Variants in SLIT1 observed in about 807,000 individuals in gnomAD.
SLIT1 encodes the protein slit homolog 1 protein.
SLIT1 carries 66 observed loss-of-function variants against 186.1 expected under a neutral mutation model. The observed-to-expected ratio is 0.35, with a 90% CI of 0.29 to 0.44. The LOEUF (loss-of-function observed/expected upper bound fraction) is 0.44, where lower values mean the gene tolerates loss of function less well. Among genes scored for constraint, SLIT1 ranks in the 20% least tolerant of loss-of-function variants. SLIT1 has a pLI of 1.00. For missense variants in SLIT1, 1,638 were observed against 2,037.4 expected, an observed-to-expected ratio of 0.80 and a Z score of 3.77; for synonymous variants, 761 against 833.8, an observed-to-expected ratio of 0.91 and a Z score of 1.50.
chr10:97,046,943 C>T, intron 17 of SLIT1, 48 bp downstream of exon 17: 1 of 1,563,656 alleles, frequency 6.4e-7, no homozygotes, highest in Non-Finnish European at 8.8e-7. Flanking sequence ...CCTTGTCCAT[C>T]CCTGGCCAGC....
Position 97,170,600 on chromosome 10 carries a change from C to G in SLIT1, c.198-5710G>C, listed in dbSNP as rs147133828. 2.3e-3 allele frequency among the ~76,000 whole-genome samples: 357 copies of G among 152,322 alleles called. 2 individuals are homozygous for G. Among genetic ancestry groups the G allele is most frequent in the African/African-American group, 8.3e-3 (346 of 41,568 alleles). The stretch of plus-strand genomic sequence containing the variant: ...GGAAGACGCCCTAAGCGCGTTCTCC[C>G]TCTTCCAAAAGTCATGAGTTTACAC... On this transcript the variant is annotated intron_variant, in intron 1 of 36. Transcript: ENST00000266058.
intron 4 of SLIT1, among the ~76,000 whole-genome samples, chr10:97,111,839 T>G (rs1394676917): frequency 3.9e-5 from 6 of 152,130 alleles, no homozygotes; most frequent in African/African-American, 1.2e-4. Flanking sequence ...GTCTTCAATT[T>G]AACACACCGT....
intron 4 of SLIT1, among the ~76,000 whole-genome samples, chr10:97,077,256 GAC>G (rs1348573201): frequency 1.8e-4 from 27 of 152,002 alleles, no homozygotes; most frequent in Non-Finnish European, 1.9e-4. Flanking sequence ...GACAGAGTGA[GAC>G]TCCATCTCTT....
At chr10:97,084,602 T>C (rs114059172) in intron 4 of SLIT1, among the ~76,000 whole-genome samples, 3 of 10,308 alleles carry the variant, frequency 2.9e-4, no homozygotes, top group Non-Finnish European at 8.6e-4. Context: ...TTCTTCTCTT[T>C]TCTTTTCTTT....
rs371679673 is a variant in SLIT1, at chr10:97,185,543, C to T, written c.132G>A (p.Thr44=). 6 of 1,611,822 alleles carry T rather than the reference C, an allele frequency of 3.7e-6. No individual in the cohort carries two copies. Among genetic ancestry groups the T allele is most frequent in the Non-Finnish European group, 5.1e-6 (6 of 1,179,552 alleles). Residue 44 remains threonine, a synonymous_variant, in exon 1 of 37, where the codon ACG becomes ACA. Coordinates refer to ENST00000266058, the MANE Select transcript of SLIT1 (RefSeq NM_003061.3). ...GCAGCCCCGTGCCGTGGCAGTCCAC[C>T]GTGGTTCCGGTGCAGGTGCAGAGGG... is the stretch of plus-strand genomic sequence containing the variant. ...CPALCTCTGT[T]VDCHGTGLQA... is the part of the protein sequence containing the mutation.
chr10:97,157,785 G>A, intron 4 of SLIT1, 33 bp downstream of exon 4: 1 of 1,563,106 alleles, frequency 6.4e-7, no homozygotes, highest in South Asian at 1.1e-5. Context: ...CAAAACCACA[G>A]GGAGAACTCT....
chr10:97,061,458 C>T (rs1276707422), intron 8 of SLIT1, among the ~76,000 whole-genome samples: 2 of 152,158 alleles, frequency 1.3e-5, no homozygotes, highest in Non-Finnish European at 2.9e-5. Context: ...AAGAAGATTC[C>T]CTCCTGCCCC....
chr10:97,025,633 A>G (rs907618936), intron 25 of SLIT1, among the ~76,000 whole-genome samples: 6 of 152,202 alleles, frequency 3.9e-5, no homozygotes, highest in African/African-American at 1.4e-4. Flanking sequence ...TTGGGGAGGC[A>G]GACACCGCAG....
chr10:97,109,406 T>A (rs570675484), intron 4 of SLIT1, among the ~76,000 whole-genome samples: 35 of 152,200 alleles, frequency 2.3e-4, no homozygotes, highest in Non-Finnish European at 3.8e-4. Context: ...CCAGAGGTGC[T>A]TAAAGGAAGA....
In SLIT1 at chr10:97,040,020, C is replaced by T; in HGVS notation, c.2265G>A (p.Leu755=). 1.2e-6 allele frequency: 2 copies of T among 1,613,664 alleles called. No homozygotes were observed. The highest frequency in any genetic ancestry group is 1.7e-6 in the Non-Finnish European group (2 of 1,179,774). ...VRCSNKHLRA[L]PKGIPKNVTE... is the part of the protein sequence containing the mutation. ...TGACATTCTTGGGAATGCCCTTGGGCAGGGCCCGCAGGTGCTTGTTGCTGC... is the reference window on the plus strand; with the variant it reads ...TGACATTCTTGGGAATGCCCTTGGGTAGGGCCCGCAGGTGCTTGTTGCTGC... The change falls in exon 21 of 37, where the codon CTG becomes CTA. Residue 755 remains leucine (L), a synonymous_variant. Transcript: ENST00000266058.
chr10:97,141,155 C>T (rs115269420), intron 4 of SLIT1, among the ~76,000 whole-genome samples: 182 of 152,284 alleles, frequency 1.2e-3, no homozygotes, highest in African/African-American at 3.7e-3. Flanking sequence ...CTGGCAGATG[C>T]GGATTCAGCC....
Position 97,010,907 on chromosome 10 carries a change from T to G in SLIT1, c.3341+86A>C. On this transcript the variant is annotated intron_variant, in intron 31 of 36. Coordinates refer to ENST00000266058, the MANE Select transcript of SLIT1 (RefSeq NM_003061.3). This position sits in a 1 kb window ranked among gnomAD's most constrained non-coding sequence, Gnocchi z 4.8. ...CTTCCAGGCTCTGACCCACACCCCTTTCCTTCGCCATGGCTGGAGGCTCCT... is the reference window on the plus strand; with the variant it reads ...CTTCCAGGCTCTGACCCACACCCCTGTCCTTCGCCATGGCTGGAGGCTCCT... 1.5e-6 allele frequency: 2 copies of G among 1,359,110 alleles called. No individual in the cohort carries two copies. Among genetic ancestry groups the G allele is most frequent in the Non-Finnish European group, 2.0e-6 (2 of 980,548 alleles). The allele number at this position is 1,359,110 out of a possible 1,614,324, so 84.2% of individuals were successfully genotyped here.
intron 4 of SLIT1, among the ~76,000 whole-genome samples, chr10:97,145,036 G>A (rs1849802506): frequency 6.6e-6 from 1 of 152,168 alleles, no homozygotes. Context: ...CTTCCAACTG[G>A]AAGAGCCAGC....
rs540277029 is a variant in SLIT1 at position 97,051,066 on chromosome 10, C to T, written c.1302-1948G>A. ...GCATATGTGGCCACGCAGCTGCCTCCCTGAACAGTTCTGGCAGTGGAAGGA... is the reference window on the plus strand; with the variant it reads ...GCATATGTGGCCACGCAGCTGCCTCTCTGAACAGTTCTGGCAGTGGAAGGA... On this transcript the variant is annotated intron_variant, in intron 13 of 36. Coordinates refer to ENST00000266058, the MANE Select transcript of SLIT1 (RefSeq NM_003061.3). Among the ~76,000 whole-genome samples, 3 of 152,228 alleles carry T rather than the reference C, an allele frequency of 2.0e-5. No individual in the cohort carries two copies. The East Asian group carries it at 5.8e-4, about 29-fold the overall frequency.
chr10:97,135,994 A>G (rs1463058106), intron 4 of SLIT1, among the ~76,000 whole-genome samples: 1 of 152,096 alleles, frequency 6.6e-6, no homozygotes, highest in African/African-American at 2.4e-5. Flanking sequence ...TGGGGTGATG[A>G]TGGAATTTAA....
intron 4 of SLIT1, among the ~76,000 whole-genome samples, chr10:97,110,451 G>A (rs972385899): frequency 2.0e-5 from 3 of 152,196 alleles, no homozygotes; most frequent in African/African-American, 7.2e-5. Context: ...TGGGCAAATC[G>A]TGGTAATGCC....
chr10:97,069,785 C>T (rs1211112269), intron 4 of SLIT1, among the ~76,000 whole-genome samples: 2 of 152,162 alleles, frequency 1.3e-5, no homozygotes, highest in Admixed American at 6.5e-5. Context: ...AAAAGACATC[C>T]ACAAATTCTT....
At chr10:97,141,701 CGTATT>C (rs1032391612) in intron 4 of SLIT1, among the ~76,000 whole-genome samples, 5 of 96,354 alleles carry the variant, frequency 5.2e-5, no homozygotes, top group Non-Finnish European at 9.6e-5. Context: ...CGTATCGTAT[CGTATT>C]GTATTGTACT....
chr10:97,121,018 C>T (rs536520662), intron 4 of SLIT1, among the ~76,000 whole-genome samples: 14 of 152,278 alleles, frequency 9.2e-5, no homozygotes, highest in Admixed American at 3.3e-4. Context: ...GATGTCAAGA[C>T]GGTCTCCCTG....
Sources: gnomAD v4.1 joint callset for allele counts (sites outside exome capture counted in the v4.1 genomes callset) on GRCh38, gnomAD v4.1.1 for gene constraint, Gnocchi (gnomAD v3.1) non-coding constraint, MANE v1.5 for transcripts, NCBI Gene and HGNC (gene_info 2026-07-23, HGNC 2026-07-21) for gene names.